Variants in TAF6 observed in about 807,000 individuals in gnomAD.
TAF6 encodes TATA-box binding protein associated factor 6.
In TAF6, 50 loss-of-function variants were observed where a neutral mutation model predicts 73.5. That is an observed-to-expected ratio of 0.68 (90% CI 0.54 to 0.86). The LOEUF is 0.86. Among genes scored for constraint, TAF6 ranks in the 40% least tolerant of loss-of-function variants. TAF6 has a pLI of 0.00. For synonymous variants in TAF6, 424 were observed against 376.7 expected (o/e 1.13, Z -1.45); for missense variants, 768 against 899.5 (o/e 0.85, Z 1.87).
chr7:100,113,618 T>C lies in TAF6; in HGVS notation c.395A>G (p.Lys132Arg), dbSNP rs1276937720. Residue 132 changes from lysine (K) to arginine (R), a missense_variant and splice_region_variant, in exon 4 of 15, where the codon AAA becomes AGA. Lys to Arg is a conservative substitution (Grantham distance 26). Transcript: ENST00000453269. ...ACCCTGCTCTCCCCTCCCCCAACCT[T>C]TGAGGCAGACGTCCAGGGGCACCCG... ...LPRVPLDVCLKAHWLSIEGCQ... is the reference protein window; with the variant it reads ...LPRVPLDVCLRAHWLSIEGCQ... 1.9e-6 allele frequency: 3 copies of C among 1,613,954 alleles called. No homozygotes were observed. Among genetic ancestry groups the C allele is most frequent in the Non-Finnish European group, 2.5e-6 (3 of 1,179,932 alleles).
chr7:100,113,204 T>C, intron 5 of TAF6, 145 bp downstream of exon 5: 1 of 846,534 alleles, frequency 1.2e-6, no homozygotes, highest in Non-Finnish European at 1.8e-6. Context: ...AGGCACAGGT[T>C]TGCAGTGAGC....
chr7:100,110,485 G>A (rs1038863206), intron 10 of TAF6: 2 of 470,082 alleles, frequency 4.3e-6, no homozygotes. Flanking sequence ...TAGTCAACAT[G>A]GTGAAACTCT....
In TAF6 at chr7:100,108,032, A is replaced by G. The variant is rs1411061192; in HGVS notation, c.1550T>C (p.Val517Ala). The G allele has an allele frequency of 6.2e-7, 1 of 1,613,724 alleles. No individual in the cohort carries two copies. The highest frequency in any genetic ancestry group is 1.3e-5 in the African/African-American group (1 of 74,920). ...CGCTCGTGCAGACACCAGTGTCTGGACAGGAAGTGCGATGGAGCCAGGAAC... is the reference window on the plus strand; with the variant it reads ...CGCTCGTGCAGACACCAGTGTCTGGGCAGGAAGTGCGATGGAGCCAGGAAC... ...LKVPGSIALP[V>A]QTLVSARAAA... Residue 517 changes from valine to alanine, a missense_variant, in exon 14 of 15, where the codon GTC becomes GCC. Val to Ala is a moderately conservative substitution (Grantham distance 64, BLOSUM62 0). Transcript: ENST00000453269.
chr7:100,114,117 A>G lies in TAF6; in HGVS notation c.93T>C (p.Ile31=), dbSNP rs779210542. 6.2e-7 allele frequency: 1 copy of G among 1,614,258 alleles called. No individual in the cohort carries two copies. The highest frequency in any genetic ancestry group is 1.1e-5 in the South Asian group (1 of 91,086). ...VVAESMGIAQ[I]QEETCQLLTD... Reference sequence around the variant, plus strand: ...TTAGCAGCTGGCAGGTCTCCTCCTGAATCTGGGCGATGCCCATGGATTCAG... The same window carrying G: ...TTAGCAGCTGGCAGGTCTCCTCCTGGATCTGGGCGATGCCCATGGATTCAG... Residue 31 remains isoleucine (I), a synonymous_variant, in exon 2 of 15, where the codon ATT becomes ATC. Transcript: ENST00000453269.
chr7:100,124,441 G>A, upstream of TAF6: 3 of 1,202,522 alleles, frequency 2.5e-6, no homozygotes, highest in Non-Finnish European at 3.7e-6. Flanking sequence ...GTCAGGTTGA[G>A]CAGGGAGAGA....
At chr7:100,114,306 G>A (rs775135678) in intron 1 of TAF6, 38 bp from the exon 2 acceptor site, 17 of 1,592,782 alleles carry the variant, frequency 1.1e-5, no homozygotes, top group Admixed American at 6.8e-5. Context: ...AAAAAGAAAC[G>A]TGAGACACAG....
chr7:100,107,536 C>T lies in TAF6; in HGVS notation c.1744G>A (p.Val582Ile), dbSNP rs758662299. 11 of 1,613,818 alleles carry T rather than the reference C, an allele frequency of 6.8e-6. No individual in the cohort carries two copies. The highest frequency in any genetic ancestry group is 2.2e-5 in the East Asian group (1 of 44,888). The change falls in exon 15 of 15, where the codon GTC becomes ATC. Residue 582 changes from valine (V) to isoleucine (I), a missense_variant. Val to Ile is a conservative substitution (Grantham distance 29, BLOSUM62 3). This residue lies in a region of TAF6 where 350 missense variants were observed against 352.3 expected (regional missense o/e 0.99). Coordinates refer to ENST00000453269, the MANE Select transcript of TAF6 (RefSeq NM_139315.3). ...GTGGTGGCGGTGGAGACCAACTTGA[C>T]GATGGGCTGCACGCTGGGGACGGTG... ...TTTVPSVQPI[V>I]KLVSTATTAP...
chr7:100,113,502 C>T, intron 4 of TAF6, 97 bp from the exon 5 acceptor site: 3 of 1,535,188 alleles, frequency 2.0e-6, no homozygotes, highest in South Asian at 2.5e-5. Flanking sequence ...GCTCCCCTTG[C>T]AACTCACCAG....
At position 100,108,086 on chromosome 7, in the gene TAF6, G is replaced by A; in HGVS notation, c.1496C>T (p.Pro499Leu). The change falls in exon 14 of 15, where the codon CCT (proline) becomes CTT (leucine). Residue 499 changes from proline to leucine, a missense_variant. Around this residue, in one of 5 missense-constraint regions of TAF6, gnomAD observed 350 missense variants for 352.3 expected, o/e 0.99. Transcript: ENST00000453269. ...CAGCAAGCCAGGGGTGCGAGGGCCA[G>A]GCTGTGGGGCCTGCGAGAGGGTCAG... is the stretch of plus-strand genomic sequence containing the variant. ...PTLTLSQAPQ[P>L]GPRTPGLLKV... is the part of the protein sequence containing the mutation. 18 of 1,610,484 alleles carry A rather than the reference G, an allele frequency of 1.1e-5. No individual in the cohort carries two copies. Among genetic ancestry groups the A allele is most frequent in the Non-Finnish European group, 1.5e-5 (18 of 1,179,108 alleles).
intron 1 of TAF6, among the ~76,000 whole-genome samples, chr7:100,117,621 G>A (rs556629334): frequency 1.3e-5 from 2 of 152,096 alleles, no homozygotes; most frequent in South Asian, 2.1e-4. Context: ...GCCCAGCCTG[G>A]GACATCATAA....
At chr7:100,120,613 ATC>A (rs1798007874), upstream of TAF6, among the ~76,000 whole-genome samples, 3 of 152,106 alleles carry the variant, frequency 2.0e-5, no homozygotes, top group Non-Finnish European at 2.9e-5. Context: ...CTTGGTCCTC[ATC>A]TCTGTCTCCT....
rs772385406 is a variant in TAF6, at chr7:100,112,804, C to T, written c.568G>A (p.Gly190Ser). 2.4e-5 allele frequency: 39 copies of T among 1,612,400 alleles called. No homozygotes were observed. The highest frequency in any genetic ancestry group is 6.7e-5 in the East Asian group (3 of 44,834). The change falls in exon 6 of 15, where the codon GGC becomes AGC. Residue 190 changes from glycine to serine, a missense_variant. Physicochemically the swap from Gly to Ser is moderately conservative, Grantham distance 56. Around this residue, in one of 5 missense-constraint regions of TAF6, gnomAD observed 269 missense variants for 268.0 expected, o/e 1.00. Transcript: ENST00000453269. ...GKGQGATTAD[G>S]KGKEKKAPPL... ...CTAGCCTAGGAGGACTGACCTTTGCCGTCGGCTGTGGTGGCCCCTTGACCT... is the reference window on the plus strand; with the variant it reads ...CTAGCCTAGGAGGACTGACCTTTGCTGTCGGCTGTGGTGGCCCCTTGACCT...
In TAF6 at chr7:100,107,340, T is replaced by G. The variant is rs147915267; in HGVS notation, c.1940A>C (p.Lys647Thr). ...AGGGGGACTGTCCCCAGCCTCCTGCTTCCCCCCACAAAGGGCACTGCCGCT... is the reference window on the plus strand; with the variant it reads ...AGGGGGACTGTCCCCAGCCTCCTGCGTCCCCCCACAAAGGGCACTGCCGCT... ...PLSGSALCGG[K>T]QEAGDSPPPA... is the part of the protein sequence containing the mutation. The change falls in exon 15 of 15, where the codon AAG (lysine) becomes ACG (threonine). Residue 647 changes from lysine (K) to threonine (T), a missense_variant. Coordinates refer to ENST00000453269, the MANE Select transcript of TAF6 (RefSeq NM_139315.3). 8 of 1,548,040 alleles carry G rather than the reference T, an allele frequency of 5.2e-6. No homozygotes were observed. The highest frequency in any genetic ancestry group is 2.3e-5 in the East Asian group (1 of 44,190).
At chr7:100,109,390 T>C (rs1393723046) in intron 12 of TAF6, among the ~76,000 whole-genome samples, 1 of 151,820 alleles carries the variant, frequency 6.6e-6, no homozygotes. Flanking sequence ...TGCTAAATAC[T>C]GTGGCAGGAT....
At position 100,110,046 on chromosome 7, in the gene TAF6, G is replaced by T; in HGVS notation, c.1186C>A (p.Leu396Met). The change falls in exon 12 of 15, where the codon CTG becomes ATG. Residue 396 changes from leucine to methionine, a missense_variant. Leu to Met is a conservative substitution (Grantham distance 15). Transcript: ENST00000453269. ...DVIKTLILPR[L>M]QQEGERIRSV... ...CGGATCCGCTCCCCTTCCTGCTGCA[G>T]CCGGGGCAGAATCAGAGTCTTGATA... 1 of 1,614,146 alleles carries T rather than the reference G, an allele frequency of 6.2e-7. No individual in the cohort carries two copies. The highest frequency in any genetic ancestry group is 1.3e-5 in the African/African-American group (1 of 75,024).
rs1796595668 is a variant in TAF6, at chr7:100,107,187, T to C, written c.*59A>G. ...TCCGCTTAGCGAGCATGCATGTGTG[T>C]ACGTGCACGTGTGTACATGTCTGCA... On this transcript the variant is annotated 3_prime_UTR_variant, in exon 15 of 15. Coordinates refer to ENST00000453269, the MANE Select transcript of TAF6 (RefSeq NM_139315.3). 12 of 1,519,344 alleles carry C rather than the reference T, an allele frequency of 7.9e-6. No individual in the cohort carries two copies. The highest frequency in any genetic ancestry group is 1.1e-5 in the Non-Finnish European group (12 of 1,136,678). 94.1% of individuals were successfully genotyped at this position (1,519,344 alleles called of 1,614,324 possible).
upstream of TAF6, chr7:100,121,106 ATATATATATATTTTTTTTTTTTTTTTTT>A (rs1340682352): frequency 3.2e-4 from 5 of 15,768 alleles, no homozygotes; most frequent in Non-Finnish European, 7.6e-4. Flanking sequence ...ATATATATAT[ATATATATATATTTTTTTTTTTTTTTTTT>A]TTTTTTTTTT....
intron 7 of TAF6, 46 bp downstream of exon 7, chr7:100,112,062 C>T: frequency 6.2e-7 from 1 of 1,613,684 alleles, no homozygotes; most frequent in East Asian, 2.2e-5. Context: ...ATAGGGCCCC[C>T]AGGAGGAGGC....
chr7:100,117,551 C>T (rs1168011196), intron 1 of TAF6, among the ~76,000 whole-genome samples: 2 of 149,844 alleles, frequency 1.3e-5, no homozygotes, highest in African/African-American at 4.9e-5. Context: ...GGATTACAGG[C>T]GTGAGCCACT....
Sources: allele counts gnomAD v4.1 joint callset (sites outside exome capture counted in the v4.1 genomes callset), GRCh38; gene constraint gnomAD v4.1.1; regional missense constraint gnomAD v4.1.1; transcripts MANE v1.5; gene names NCBI Gene and HGNC (gene_info 2026-07-23, HGNC 2026-07-21).